The following ARHGAP5 variants were observed in gnomAD, a reference collection of about 807,000 sequenced individuals.
ARHGAP5 encodes the protein rho GTPase-activating protein 5.
Under a neutral mutation model 116.6 loss-of-function variants are expected in ARHGAP5, and 23 were observed. The ratio of observed to expected loss-of-function variants is 0.20; its 90% CI spans 0.14 to 0.28. The LOEUF (loss-of-function observed/expected upper bound fraction) is 0.28, where lower values mean the gene tolerates loss of function less well. Ranked by LOEUF, ARHGAP5 falls within the 10% of genes least tolerant of loss-of-function variation. The probability of loss-of-function intolerance (pLI) is 1.00; values close to 1 mark genes in which losing one functional copy is unlikely to be tolerated. For missense variants in ARHGAP5, 1,405 were observed against 1,774.8 expected, an observed-to-expected ratio of 0.79 and a Z score of 3.74; for synonymous variants, 574 against 602.0, an observed-to-expected ratio of 0.95 and a Z score of 0.68.
Position 32,156,675 on chromosome 14 carries a change from ATTAC to A in ARHGAP5, c.*1731_*1734del, listed in dbSNP as rs1881908621. 1.3e-5 allele frequency: 2 copies of A among 152,388 alleles called. No homozygotes were observed. Among genetic ancestry groups the A allele is most frequent in the South Asian group, 4.1e-4 (2 of 4,838 alleles). The allele number at this position is 152,388 out of a possible 1,614,324, so 9.4% of individuals were successfully genotyped here. On this transcript the variant is annotated 3_prime_UTR_variant, in exon 7 of 7. Transcript: ENST00000345122. ...ATGTAGTATTCTTAACCTGTTCTAT[ATTAC>A]TTATACCTATTGTCTATATAGCTTT...
In ARHGAP5 at chr14:32,149,898, G is replaced by T; in HGVS notation, c.3944-4G>T. 6.8e-7 allele frequency: 1 copy of T among 1,470,192 alleles called. No individual in the cohort carries two copies. The highest frequency in any genetic ancestry group is 9.1e-7 in the Non-Finnish European group (1 of 1,103,822). The allele number at this position is 1,470,192 out of a possible 1,614,324, so 91.1% of individuals were successfully genotyped here. ...AATTTAAAATGTTAATTTTTGTCTT[G>T]TAGATCATAATATCAATCTAGTGTC... is the stretch of plus-strand genomic sequence containing the variant. On this transcript the variant is annotated splice_polypyrimidine_tract_variant and splice_region_variant and intron_variant, in intron 4 of 6. Coordinates refer to ENST00000345122, the MANE Select transcript of ARHGAP5 (RefSeq NM_001030055.2).
chr14:32,109,420 G>A (rs1879178537), intron 2 of ARHGAP5, among the ~76,000 whole-genome samples: 1 of 151,980 alleles, frequency 6.6e-6, no homozygotes, highest in Non-Finnish European at 1.5e-5. Flanking sequence ...TATTGTACCT[G>A]TTATGCAGTA....
intron 3 of ARHGAP5, among the ~76,000 whole-genome samples, chr14:32,140,097 CTTTT>C (rs1182430088): frequency 3.9e-5 from 1 of 25,394 alleles, no homozygotes; most frequent in Non-Finnish European, 7.3e-5. Flanking sequence ...GTTATTTGTT[CTTTT>C]TTTTTTTTTT....
chr14:32,143,230 GTTGTTGTTGTTATTA>G (rs1421851899), intron 3 of ARHGAP5, among the ~76,000 whole-genome samples: 7 of 149,566 alleles, frequency 4.7e-5, no homozygotes, highest in Non-Finnish European at 8.8e-5. Flanking sequence ...TGTTGTTGTT[GTTGTTGTTGTTATTA>G]TTATTATTAT....
intron 6 of ARHGAP5, among the ~76,000 whole-genome samples, chr14:32,152,733 G>A (rs1368871098): frequency 6.6e-6 from 1 of 152,128 alleles, no homozygotes. Context: ...AGTGTGGTAA[G>A]TATATTTTCC....
At chr14:32,134,367 A>C (rs567848968) in intron 3 of ARHGAP5, among the ~76,000 whole-genome samples, 14 of 152,172 alleles carry the variant, frequency 9.2e-5, no homozygotes, top group Non-Finnish European at 1.9e-4. Context: ...GTTTTTGATA[A>C]ATTGAGAAAA....
chr14:32,093,437 A>T lies in ARHGAP5; in HGVS notation c.2768A>T (p.Gln923Leu). Residue 923 changes from glutamine (Q) to leucine (L), a missense_variant, in exon 2 of 7, where the codon CAG becomes CTG. Transcript: ENST00000345122. ...TTTACAGCACTGTATTCTTTATCTC[A>T]GTATCATCGGCAAACTGAGGTCTTT... ...AKFTALYSLSQYHRQTEVFTL... is the reference protein window; with the variant it reads ...AKFTALYSLSLYHRQTEVFTL... The T allele has an allele frequency of 6.2e-7, 1 of 1,613,500 alleles. No homozygotes were observed. Among genetic ancestry groups the T allele is most frequent in the Non-Finnish European group, 8.5e-7 (1 of 1,179,578 alleles).
At chr14:32,089,619 A>G (rs2041864719) in intron 1 of ARHGAP5, among the ~76,000 whole-genome samples, 1 of 151,958 alleles carries the variant, frequency 6.6e-6, no homozygotes, top group South Asian at 2.1e-4. Flanking sequence ...TGTCTCAGAT[A>G]TATCATTTTA....
intron 4 of ARHGAP5, among the ~76,000 whole-genome samples, chr14:32,148,246 T>C (rs769791981): frequency 2.0e-5 from 3 of 152,190 alleles, no homozygotes; most frequent in Non-Finnish European, 4.4e-5. Context: ...AAAAACTGTT[T>C]AGACAATGGT....
intron 3 of ARHGAP5, among the ~76,000 whole-genome samples, chr14:32,130,302 C>T (rs966284795): frequency 1.8e-4 from 26 of 148,346 alleles, no homozygotes; most frequent in African/African-American, 6.5e-4. Context: ...ACCTCTACCG[C>T]CCAGGTTCAA....
intron 3 of ARHGAP5, among the ~76,000 whole-genome samples, chr14:32,120,444 G>A (rs1879826701): frequency 1.3e-5 from 2 of 150,192 alleles, no homozygotes; most frequent in Non-Finnish European, 3.0e-5. Context: ...TGGTTTTTCT[G>A]AAGTTTCTTA....
chr14:32,085,494 T>A (rs1566657119), intron 1 of ARHGAP5, among the ~76,000 whole-genome samples: 1 of 152,192 alleles, frequency 6.6e-6, no homozygotes, highest in Non-Finnish European at 1.5e-5. Flanking sequence ...AGTACTACAC[T>A]CTGTTCATCT....
rs543397670 is a variant in ARHGAP5 at position 32,126,787 on chromosome 14, CT to C, written c.3865+9507del. Among the ~76,000 whole-genome samples the C allele has an allele frequency of 3.0e-4, 45 of 151,240 alleles. No homozygotes were observed. In the South Asian group the frequency reaches 3.1e-3, roughly 11 times the overall value. On this transcript the variant is annotated intron_variant, in intron 3 of 6. Coordinates refer to ENST00000345122, the MANE Select transcript of ARHGAP5 (RefSeq NM_001030055.2). ...TGATGTATTACATGGATTGATTTTTCTTTTTTTGGGGGGGGAGTAGTGAGCG... is the reference window on the plus strand; with the variant it reads ...TGATGTATTACATGGATTGATTTTTCTTTTTTGGGGGGGGAGTAGTGAGCG...
intron 4 of ARHGAP5, among the ~76,000 whole-genome samples, chr14:32,148,560 A>T (rs555324062): frequency 1.3e-5 from 2 of 152,364 alleles, no homozygotes; most frequent in East Asian, 1.9e-4. Context: ...GCTTGTATGT[A>T]TTAAAGCATA....
intron 1 of ARHGAP5, among the ~76,000 whole-genome samples, chr14:32,087,888 C>T (rs1038332491): frequency 2.6e-5 from 4 of 151,914 alleles, no homozygotes; most frequent in African/African-American, 9.7e-5. Flanking sequence ...AAATTTTAGC[C>T]TCATTATAGT....
At chr14:32,149,316 C>G (rs970131255) in intron 4 of ARHGAP5, among the ~76,000 whole-genome samples, 9 of 151,324 alleles carry the variant, frequency 5.9e-5, no homozygotes, top group Non-Finnish European at 4.4e-5. Flanking sequence ...TCACCTGCCT[C>G]TTGTGGCCTC....
intron 3 of ARHGAP5, among the ~76,000 whole-genome samples, chr14:32,128,517 A>C (rs1880311820): frequency 6.6e-6 from 1 of 152,224 alleles, no homozygotes; most frequent in African/African-American, 2.4e-5. Flanking sequence ...TGGCTCTGCT[A>C]TCTGCGTGTC....
rs767225867 is a variant in ARHGAP5 at position 32,077,327 on chromosome 14, TGGA to T, written c.-268_-266del. The T allele has an allele frequency of 1.7e-6, 1 of 583,250 alleles. No homozygotes were observed. Among genetic ancestry groups the T allele is most frequent in the East Asian group, 3.6e-5 (1 of 27,890 alleles). 36.1% of individuals were successfully genotyped at this position (583,250 alleles called of 1,614,324 possible). ...CCGAGGAAGAGAGGCGAGCGGAGAG[TGGA>T]GGAGGAGGCGGCGGCGGCGGGAGCG... On this transcript the variant is annotated 5_prime_UTR_variant, in exon 1 of 7. Coordinates refer to ENST00000345122, the MANE Select transcript of ARHGAP5 (RefSeq NM_001030055.2).
At position 32,090,732 on chromosome 14, in the gene ARHGAP5, T is replaced by G; in HGVS notation, c.63T>G (p.Ser21=). 6.2e-7 allele frequency: 1 copy of G among 1,613,546 alleles called. No homozygotes were observed. The highest frequency in any genetic ancestry group is 8.5e-7 in the Non-Finnish European group (1 of 1,179,578). ...ATACCATCAGTATAGTTGGACTCTC[T>G]GGGACTGAAAAAGACAAAGGTAACT... The part of the protein sequence containing the change: ...PSYTISIVGL[S]GTEKDKGNCG... The change falls in exon 2 of 7, where the codon TCT becomes TCG. Residue 21 remains serine, a synonymous_variant. Coordinates refer to ENST00000345122, the MANE Select transcript of ARHGAP5 (RefSeq NM_001030055.2).
Sources: allele counts gnomAD v4.1 joint callset (sites outside exome capture counted in the v4.1 genomes callset), GRCh38; gene constraint gnomAD v4.1.1; transcripts MANE v1.5; gene names NCBI Gene and HGNC (gene_info 2026-07-23, HGNC 2026-07-21).